PRKCA: variants seen among roughly 807,000 people sequenced by gnomAD.
The protein encoded by PRKCA is protein kinase C alpha, also known as protein kinase C alpha type.
Under a neutral mutation model 87.0 loss-of-function variants are expected in PRKCA, and 27 were observed. The observed-to-expected ratio is 0.31, with a 90% CI of 0.23 to 0.43. The LOEUF is 0.43. Ranked by LOEUF, PRKCA falls within the 20% of genes least tolerant of loss-of-function variation. The probability of loss-of-function intolerance (pLI) is 1.00; values close to 1 mark genes in which losing one functional copy is unlikely to be tolerated. For missense variants in PRKCA, 518 were observed against 852.3 expected, an observed-to-expected ratio of 0.61 and a Z score of 4.88; for synonymous variants, 329 against 311.1, an observed-to-expected ratio of 1.06 and a Z score of -0.61.
chr17:66,747,985 G>T (rs547721955), intron 13 of PRKCA, among the ~76,000 whole-genome samples: 1 of 152,378 alleles, frequency 6.6e-6, no homozygotes, highest in South Asian at 2.1e-4. Context: ...GCTGGAGGCA[G>T]CTGGAAATCA....
chr17:66,411,896 C>T (rs1341203836), intron 2 of PRKCA, among the ~76,000 whole-genome samples: 2 of 151,864 alleles, frequency 1.3e-5, no homozygotes. Context: ...ATTAAAAAAA[C>T]CTTACTTTTT....
rs377261637 is a variant in PRKCA at position 66,616,488 on chromosome 17, T to A, written c.289-24867T>A. 1.3e-4 allele frequency among the ~76,000 whole-genome samples: 20 copies of A among 152,304 alleles called. No homozygotes were observed. In the South Asian group the frequency reaches 2.1e-3, roughly 16 times the overall value. ...ATTGATTCCATTCATGTTGCAGATG[T>A]CTGTCGAGTATCTGCTGTGCCCAGG... On this transcript the variant is annotated intron_variant, in intron 3 of 16. Coordinates refer to ENST00000413366, the MANE Select transcript of PRKCA (RefSeq NM_002737.3).
intron 2 of PRKCA, among the ~76,000 whole-genome samples, chr17:66,366,564 G>A (rs867488594): frequency 6.6e-6 from 1 of 152,092 alleles, no homozygotes; most frequent in South Asian, 2.1e-4. Context: ...TGAATTAGTT[G>A]TAGAAAATTT....
intron 8 of PRKCA, among the ~76,000 whole-genome samples, chr17:66,699,715 T>C (rs959547053): frequency 2.0e-5 from 3 of 152,208 alleles, no homozygotes; most frequent in African/African-American, 7.2e-5. Flanking sequence ...GCCTCCTGAA[T>C]AGGTGGGACT....
Position 66,754,668 on chromosome 17 carries a change from G to A in PRKCA, c.1524+11908G>A, listed in dbSNP as rs117165788. On this transcript the variant is annotated intron_variant, in intron 13 of 16. Transcript: ENST00000413366. ...TGAAGAGGTGTTTGATTTCTTTGAC[G>A]TAACAAGAAATTAAAGAAGTTTGCT... 2.9e-3 allele frequency among the ~76,000 whole-genome samples: 442 copies of A among 152,236 alleles called. 2 individuals carry two copies. The highest frequency in any genetic ancestry group is 8.0e-3 in the Admixed American group (123 of 15,280).
At chr17:66,403,842 TG>T (rs1911183229) in intron 2 of PRKCA, 1 of 152,186 alleles carries the variant, frequency 6.6e-6, no homozygotes, top group Non-Finnish European at 1.5e-5. Flanking sequence ...CATGGGGAAA[TG>T]GGGCATAATA....
At chr17:66,653,878 G>C (rs561995584) in intron 5 of PRKCA, among the ~76,000 whole-genome samples, 5 of 151,486 alleles carry the variant, frequency 3.3e-5, no homozygotes, top group East Asian at 3.9e-4. Flanking sequence ...TTAAATACTG[G>C]TAGAGAAAAG....
At chr17:66,362,017 G>T (rs926765018) in intron 2 of PRKCA, among the ~76,000 whole-genome samples, 1 of 151,910 alleles carries the variant, frequency 6.6e-6, no homozygotes, top group Non-Finnish European at 1.5e-5. Context: ...TTCTAGAAGG[G>T]GTTGAGCTCT....
chr17:66,377,688 TAAA>T (rs1326420108), intron 2 of PRKCA, among the ~76,000 whole-genome samples: 2 of 139,802 alleles, frequency 1.4e-5, no homozygotes, highest in Admixed American at 1.5e-4. Context: ...TATATATATA[TAAA>T]GTCTATGTTT....
chr17:66,370,332 A>G (rs1909022332), intron 2 of PRKCA, among the ~76,000 whole-genome samples: 1 of 146,508 alleles, frequency 6.8e-6, no homozygotes, highest in African/African-American at 2.5e-5. Flanking sequence ...CCCGGGTTCA[A>G]GCAATTTTCC....
chr17:66,728,333 C>T (rs1486815895), intron 8 of PRKCA, among the ~76,000 whole-genome samples: 1 of 152,206 alleles, frequency 6.6e-6, no homozygotes, highest in South Asian at 2.1e-4. Context: ...CTGGACCCCA[C>T]ACACCGGTCT....
chr17:66,474,229 AT>A (rs34330453), intron 2 of PRKCA, among the ~76,000 whole-genome samples: 80,417 of 152,058 alleles, frequency 0.53, 23,051 homozygotes, highest in African/African-American at 0.76. Context: ...GAGGAACCCA[AT>A]AACACCGATG....
chr17:66,651,833 C>G (rs1971598117), intron 5 of PRKCA, among the ~76,000 whole-genome samples: 1 of 152,158 alleles, frequency 6.6e-6, no homozygotes, highest in Admixed American at 6.5e-5. Flanking sequence ...GCAGATCCCT[C>G]CAACTGCAAA....
intron 1 of PRKCA, 97 bp from the exon 2 acceptor site, chr17:66,305,999 C>T: frequency 9.1e-7 from 1 of 1,098,394 alleles, no homozygotes; most frequent in Non-Finnish European, 1.4e-6. Flanking sequence ...CACATACAAA[C>T]CTTTAGTGGT....
rs9907086 is a variant in PRKCA, at chr17:66,807,357, C to A, written c.*3320C>A. Reference sequence around the variant, plus strand: ...CAGGGCCTTTCCCTGAGGCTGCAGGCCGTGGGCTGGCAGCCCGTCTCTTGG... The same window carrying A: ...CAGGGCCTTTCCCTGAGGCTGCAGGACGTGGGCTGGCAGCCCGTCTCTTGG... On this transcript the variant is annotated 3_prime_UTR_variant, in exon 17 of 17. Transcript: ENST00000413366. The surrounding 1 kb of genome is among the most constrained non-coding windows in gnomAD (Gnocchi z 4.3). The A allele has an allele frequency of 0.085, 12,889 of 152,356 alleles. 1,182 individuals are homozygous for A. The highest frequency in any genetic ancestry group is 0.23 in the African/African-American group (9,350 of 41,544). The allele number at this position is 152,356 out of a possible 1,614,324, so 9.4% of individuals were successfully genotyped here.
At chr17:66,747,466 C>T (rs1206717949) in intron 13 of PRKCA, among the ~76,000 whole-genome samples, 1 of 152,216 alleles carries the variant, frequency 6.6e-6, no homozygotes, top group African/African-American at 2.4e-5. Context: ...GGACATCACC[C>T]GTGATACACT....
rs144172717 is a variant in PRKCA at position 66,788,883 on chromosome 17, G to A, written c.1758G>A (p.Glu586=). The part of the protein sequence containing the change: ...HPAKRLGCGP[E]GERDVREHAF... The stretch of plus-strand genomic sequence containing the variant: ...CCAAGCGGCTGGGCTGTGGGCCTGA[G>A]GGGGAGAGGGACGTGAGAGAGCATG... The change falls in exon 16 of 17, where the codon GAG becomes GAA. Residue 586 remains glutamate, a synonymous_variant. Coordinates refer to ENST00000413366, the MANE Select transcript of PRKCA (RefSeq NM_002737.3). 2.5e-6 allele frequency: 4 copies of A among 1,614,094 alleles called. No homozygotes were observed. The Admixed American group carries it at 5.0e-5, about 20-fold the overall frequency.
At chr17:66,573,189 C>G (rs946293773) in intron 3 of PRKCA, among the ~76,000 whole-genome samples, 30 of 152,186 alleles carry the variant, frequency 2.0e-4, no homozygotes, top group African/African-American at 7.2e-4. Context: ...CAGCTCCTCT[C>G]TCAAGGTGAG....
intron 2 of PRKCA, among the ~76,000 whole-genome samples, chr17:66,344,523 AC>A (rs907762271): frequency 7.9e-5 from 12 of 151,722 alleles, no homozygotes; most frequent in Admixed American, 1.3e-4. Context: ...AACAACAACA[AC>A]AAAAAAACAG....
Sources: allele counts gnomAD v4.1 joint callset (sites outside exome capture counted in the v4.1 genomes callset), GRCh38; gene constraint gnomAD v4.1.1; non-coding constraint Gnocchi (gnomAD v3.1); transcripts MANE v1.5; gene names NCBI Gene and HGNC (gene_info 2026-07-23, HGNC 2026-07-21).